The following TJP1 variants were observed in gnomAD, a reference collection of about 807,000 sequenced individuals.
TJP1 encodes tight junction protein ZO-1.
A neutral mutation model predicts 194.2 loss-of-function variants in TJP1; 43 were observed. The observed-to-expected ratio is 0.22, with a 90% CI of 0.17 to 0.29. TJP1 has a LOEUF of 0.29. TJP1 is among the 10% of genes least tolerant of loss of function. The probability of loss-of-function intolerance (pLI) is 1.00; values close to 1 mark genes in which losing one functional copy is unlikely to be tolerated. For synonymous variants in TJP1, 801 were observed against 779.0 expected (o/e 1.03, Z -0.47); for missense variants, 1,971 against 2,185.7 (o/e 0.90, Z 1.96).
chr15:29,949,585 C>T (rs1267576642), intron 2 of TJP1, among the ~76,000 whole-genome samples: 15 of 139,762 alleles, frequency 1.1e-4, no homozygotes, highest in South Asian at 2.4e-4. Flanking sequence ...CCACCACCTC[C>T]ACCTCCACAA....
chr15:29,737,698 T>C (rs920154779), intron 10 of TJP1, among the ~76,000 whole-genome samples: 3 of 152,212 alleles, frequency 2.0e-5, no homozygotes, highest in Admixed American at 2.0e-4. Context: ...TTCTCAACTC[T>C]CAAAGAGTTA....
At chr15:29,814,712 G>A (rs1001824215) in intron 1 of TJP1, among the ~76,000 whole-genome samples, 3 of 152,076 alleles carry the variant, frequency 2.0e-5, no homozygotes, top group Admixed American at 2.0e-4. Context: ...TTCCTAATTA[G>A]AATCCACAGA....
chr15:29,892,841 A>G (rs1158920910), intron 2 of TJP1, among the ~76,000 whole-genome samples: 15 of 152,192 alleles, frequency 9.9e-5, no homozygotes, highest in Admixed American at 9.8e-4. Flanking sequence ...AAGGAGATTA[A>G]TGTTGTTTTC....
chr15:29,921,600 G>T (rs1023309623), intron 2 of TJP1, among the ~76,000 whole-genome samples: 7 of 152,180 alleles, frequency 4.6e-5, no homozygotes, highest in Non-Finnish European at 1.0e-4. Flanking sequence ...CTGTGGGCTT[G>T]CCTGTGCTTC....
chr15:29,720,990 T>A (rs192370214), intron 18 of TJP1, among the ~76,000 whole-genome samples: 181 of 152,284 alleles, frequency 1.2e-3, no homozygotes, highest in African/African-American at 4.2e-3. Flanking sequence ...GAAGAAACTC[T>A]GACACTGCTC....
chr15:29,736,501 A>C (rs1421163330), intron 11 of TJP1, among the ~76,000 whole-genome samples: 1 of 152,214 alleles, frequency 6.6e-6, no homozygotes, highest in Non-Finnish European at 1.5e-5. Context: ...TAAATGTAGG[A>C]GCTCACAATG....
chr15:29,847,270 T>C (rs1430610495), intron 2 of TJP1, among the ~76,000 whole-genome samples: 2 of 151,936 alleles, frequency 1.3e-5, no homozygotes, highest in Non-Finnish European at 2.9e-5. Context: ...ACCCAGCTAA[T>C]TTTTGTATTT....
At chr15:29,842,978 T>C (rs546737875) in intron 2 of TJP1, among the ~76,000 whole-genome samples, 2 of 152,182 alleles carry the variant, frequency 1.3e-5, no homozygotes, top group African/African-American at 2.4e-5. Flanking sequence ...AATGGGATAA[T>C]CACTGATTTT....
At chr15:29,766,886 T>C (rs2046364273) in intron 4 of TJP1, among the ~76,000 whole-genome samples, 2 of 152,198 alleles carry the variant, frequency 1.3e-5, no homozygotes, top group Non-Finnish European at 2.9e-5. Flanking sequence ...CACTGTACTC[T>C]AATGCCATCA....
intron 2 of TJP1, among the ~76,000 whole-genome samples, chr15:29,918,850 T>C (rs1055991159): frequency 4.6e-5 from 7 of 151,904 alleles, no homozygotes; most frequent in African/African-American, 1.7e-4. Flanking sequence ...GAAAAGATAA[T>C]AATCAATGAA....
At chr15:29,820,490 T>C in intron 1 of TJP1, 1 of 716,094 alleles carries the variant, frequency 1.4e-6, no homozygotes, top group Non-Finnish European at 2.6e-6. Flanking sequence ...GCCATACAAA[T>C]CTCAATACTA....
At chr15:29,776,814 A>G (rs889030844) in intron 2 of TJP1, among the ~76,000 whole-genome samples, 1 of 152,170 alleles carries the variant, frequency 6.6e-6, no homozygotes, top group Non-Finnish European at 1.5e-5. Context: ...AAAGCTACTG[A>G]GCTTATGGTG....
chr15:29,844,094 G>A (rs937636008), intron 2 of TJP1, among the ~76,000 whole-genome samples: 8 of 152,136 alleles, frequency 5.3e-5, no homozygotes, highest in African/African-American at 1.9e-4. Flanking sequence ...GCCCAGGCTG[G>A]AGCCTTGAGA....
intron 1 of TJP1, among the ~76,000 whole-genome samples, chr15:29,810,343 A>C (rs1054063989): frequency 6.6e-6 from 1 of 152,164 alleles, no homozygotes; most frequent in Non-Finnish European, 1.5e-5. Context: ...TTCCACTTAA[A>C]AGAAGGTAAC....
At chr15:29,946,604 G>A (rs2055292555) in intron 2 of TJP1, among the ~76,000 whole-genome samples, 1 of 152,216 alleles carries the variant, frequency 6.6e-6, no homozygotes, top group Admixed American at 6.5e-5. Flanking sequence ...GACCCAGGCT[G>A]AAAATTCTTT....
chr15:29,729,775 A>T, intron 15 of TJP1, among the ~76,000 whole-genome samples: 1 of 150,580 alleles, frequency 6.6e-6, no homozygotes, highest in Admixed American at 6.7e-5. Context: ...TGGATCTGAG[A>T]TCGTGCCACT....
chr15:29,742,904 C>A (rs2044518762), intron 8 of TJP1, 123 bp from the exon 9 acceptor site: 1 of 791,036 alleles, frequency 1.3e-6, no homozygotes, highest in Non-Finnish European at 1.8e-6. Context: ...CTAACAGATA[C>A]CAAAATATTG....
intron 2 of TJP1, among the ~76,000 whole-genome samples, chr15:29,796,082 C>A (rs920424437): frequency 6.6e-6 from 1 of 151,458 alleles, no homozygotes; most frequent in East Asian, 1.9e-4. Context: ...AAAAAAAAAA[C>A]CACTTACTGG....
intron 2 of TJP1, among the ~76,000 whole-genome samples, chr15:29,949,707 CCTCCAT>C (rs1302075694): frequency 7.9e-6 from 1 of 126,244 alleles, no homozygotes; most frequent in African/African-American, 2.8e-5. Context: ...ACCACCACCA[CCTCCAT>C]CACCTCCACC....
Sources: allele counts gnomAD v4.1 joint callset (sites outside exome capture counted in the v4.1 genomes callset), GRCh38; gene constraint gnomAD v4.1.1; transcripts MANE v1.5; gene names NCBI Gene and HGNC (gene_info 2026-07-23, HGNC 2026-07-21).